DMXL1: variants seen among roughly 807,000 people sequenced by gnomAD.
DMXL1 encodes the protein Dmx like 1.
In DMXL1, 99 loss-of-function variants were observed where a neutral mutation model predicts 319.2. The ratio of observed to expected loss-of-function variants is 0.31; its 90% CI spans 0.26 to 0.37. DMXL1 has a LOEUF of 0.37. DMXL1 is among the 10% of genes least tolerant of loss of function. The pLI, the probability that DMXL1 is intolerant of heterozygous loss-of-function variation, is 1.00. For synonymous variants in DMXL1, 1,385 were observed against 1,235.2 expected (o/e 1.12, Z -2.54); for missense variants, 3,745 against 3,595.6 (o/e 1.04, Z -1.06).
chr5:119,083,766 G>A (rs1381468118), intron 1 of DMXL1, among the ~76,000 whole-genome samples: 1 of 152,098 alleles, frequency 6.6e-6, no homozygotes, highest in Non-Finnish European at 1.5e-5. Flanking sequence ...TCAAACTCCT[G>A]GCCTCAGGTG....
chr5:119,079,981 A>T lies in DMXL1; in HGVS notation c.87+8325A>T, dbSNP rs142124408. Reference sequence around the variant, plus strand: ...TGCAGCTCCTGGTGTATAGTCTGTGATGGTGAGATCCCTGTCTTTAGCTTC... The same window carrying T: ...TGCAGCTCCTGGTGTATAGTCTGTGTTGGTGAGATCCCTGTCTTTAGCTTC... On this transcript the variant is annotated intron_variant, in intron 1 of 43. Coordinates refer to ENST00000539542, the MANE Select transcript of DMXL1 (RefSeq NM_001290321.3). Among the ~76,000 whole-genome samples the T allele has an allele frequency of 7.2e-5, 11 of 152,272 alleles. No homozygotes were observed. The East Asian group carries it at 2.1e-3, about 29-fold the overall frequency.
rs144511410 is a variant in DMXL1, at chr5:119,248,973, A to G, written c.*1754A>G. 9 of 152,706 alleles carry G rather than the reference A, an allele frequency of 5.9e-5. No individual in the cohort carries two copies. The East Asian group carries it at 1.7e-3, about 29-fold the overall frequency. 9.5% of individuals were successfully genotyped at this position (152,706 alleles called of 1,614,324 possible). ...CTTTAAACACTTCCAATGAGATAAA[A>G]TATTTACTATTATGCTTATTAGAAC... On this transcript the variant is annotated 3_prime_UTR_variant, in exon 44 of 44. Transcript: ENST00000539542.
intron 28 of DMXL1, among the ~76,000 whole-genome samples, chr5:119,188,855 A>C (rs1778217627): frequency 6.6e-6 from 1 of 152,258 alleles, no homozygotes; most frequent in Non-Finnish European, 1.5e-5. Context: ...CAATAAAACC[A>C]AATTGTATTA....
chr5:119,105,198 C>A lies in DMXL1; in HGVS notation c.304C>A (p.Gln102Lys). The change falls in exon 4 of 44, where the codon CAG becomes AAG. Residue 102 changes from glutamine (Q) to lysine (K), a missense_variant. Transcript: ENST00000539542. ...KKNLELYSQW[Q>K]KSGQFFLESI... ...ATTTTAGGAATTATATAGTCAGTGG[C>A]AGAAAAGTGGCCAATTTTTTCTGGA... 6.2e-7 allele frequency: 1 copy of A among 1,612,022 alleles called. No individual in the cohort carries two copies. The highest frequency in any genetic ancestry group is 8.5e-7 in the Non-Finnish European group (1 of 1,178,386).
intron 34 of DMXL1, among the ~76,000 whole-genome samples, chr5:119,216,088 C>T (rs1258557020): frequency 3.5e-5 from 3 of 86,580 alleles, no homozygotes; most frequent in Non-Finnish European, 6.1e-5. Flanking sequence ...ACAAGAGCAT[C>T]CATCTCAAAA....
At chr5:119,099,887 G>T (rs1032369369) in intron 2 of DMXL1, among the ~76,000 whole-genome samples, 1 of 152,100 alleles carries the variant, frequency 6.6e-6, no homozygotes, top group East Asian at 1.9e-4. Context: ...TGTAGTCCTA[G>T]CTACCCGGGA....
intron 1 of DMXL1, among the ~76,000 whole-genome samples, chr5:119,089,207 A>T (rs980759127): frequency 3.8e-5 from 5 of 131,554 alleles, no homozygotes; most frequent in African/African-American, 1.4e-4. Context: ...CTCCTGGCCT[A>T]TGTGGTTTCT....
At chr5:119,091,708 C>T (rs921772290) in intron 1 of DMXL1, among the ~76,000 whole-genome samples, 6 of 152,106 alleles carry the variant, frequency 3.9e-5, no homozygotes, top group Admixed American at 6.6e-5. Context: ...AAAGGGCTGC[C>T]GTTCCTAAAG....
chr5:119,075,304 A>T (rs923225621), intron 1 of DMXL1, among the ~76,000 whole-genome samples: 1 of 137,542 alleles, frequency 7.3e-6, no homozygotes, highest in Non-Finnish European at 1.5e-5. Flanking sequence ...CAGTGGTGTG[A>T]TCTCAGCTCA....
Position 119,101,942 on chromosome 5 carries a change from C to A in DMXL1, c.221C>A (p.Ala74Glu). The change falls in exon 3 of 44, where the codon GCG becomes GAG. Residue 74 changes from alanine to glutamate, a missense_variant. Around this residue, in one of 4 missense-constraint regions of DMXL1, gnomAD observed 2,096 missense variants for 1,985.4 expected, o/e 1.06. Coordinates refer to ENST00000539542, the MANE Select transcript of DMXL1 (RefSeq NM_001290321.3). ...TTTTTTTCTTTTTAAAAGATTGCAGCGTCTTATGGAAATGTTATCTCCATT... is the reference window on the plus strand; with the variant it reads ...TTTTTTTCTTTTTAAAAGATTGCAGAGTCTTATGGAAATGTTATCTCCATT... ...DCSMQQGKIA[A>E]SYGNVISIFE... The A allele has an allele frequency of 6.3e-7, 1 of 1,594,760 alleles. No individual in the cohort carries two copies. The highest frequency in any genetic ancestry group is 8.5e-7 in the Non-Finnish European group (1 of 1,171,042).
intron 34 of DMXL1, among the ~76,000 whole-genome samples, chr5:119,212,914 C>G (rs1334007891): frequency 6.6e-6 from 1 of 152,130 alleles, no homozygotes; most frequent in Non-Finnish European, 1.5e-5. Flanking sequence ...ATCAATCAGT[C>G]ACTTGCAAAC....
At chr5:119,222,917 C>T (rs1408920798) in intron 37 of DMXL1, among the ~76,000 whole-genome samples, 1 of 152,046 alleles carries the variant, frequency 6.6e-6, no homozygotes. Context: ...CACATCTCAA[C>T]TCAAATCCCC....
chr5:119,091,827 C>T (rs558449457), intron 1 of DMXL1, among the ~76,000 whole-genome samples: 1 of 152,318 alleles, frequency 6.6e-6, no homozygotes, highest in South Asian at 2.1e-4. Flanking sequence ...TACTACTGAA[C>T]AGCCTCTCTC....
At chr5:119,083,903 C>T (rs1370730058) in intron 1 of DMXL1, among the ~76,000 whole-genome samples, 1 of 152,174 alleles carries the variant, frequency 6.6e-6, no homozygotes, top group Non-Finnish European at 1.5e-5. Context: ...TACATTCCCA[C>T]CAACACAGTA....
intron 34 of DMXL1, among the ~76,000 whole-genome samples, chr5:119,213,545 A>G (rs1783162111): frequency 6.6e-6 from 1 of 152,210 alleles, no homozygotes; most frequent in Admixed American, 6.5e-5. Context: ...CCATTTCTCT[A>G]GTCTCCTATG....
At chr5:119,085,462 G>A (rs1010717981) in intron 1 of DMXL1, among the ~76,000 whole-genome samples, 1 of 152,064 alleles carries the variant, frequency 6.6e-6, no homozygotes, top group African/African-American at 2.4e-5. Flanking sequence ...CGCCATTGGT[G>A]AGCATACAAT....
chr5:119,093,091 G>T (rs755922687), intron 1 of DMXL1, among the ~76,000 whole-genome samples: 1 of 151,692 alleles, frequency 6.6e-6, no homozygotes, highest in Non-Finnish European at 1.5e-5. Context: ...GCAACCCTTT[G>T]TTGAGCAAAT....
At chr5:119,167,926 G>A in intron 23 of DMXL1, 62 bp downstream of exon 23, 2 of 1,496,776 alleles carry the variant, frequency 1.3e-6, no homozygotes, top group African/African-American at 2.8e-5. Context: ...TACATGTGCA[G>A]ATCACTCTAT....
At chr5:119,165,543 C>A (rs555321379) in intron 21 of DMXL1, among the ~76,000 whole-genome samples, 48 of 152,274 alleles carry the variant, frequency 3.2e-4, no homozygotes, top group Non-Finnish European at 6.3e-4. Context: ...TCATTATGCT[C>A]CTATAAAACA....
Sources: gnomAD v4.1 joint callset for allele counts (sites outside exome capture counted in the v4.1 genomes callset) on GRCh38, gnomAD v4.1.1 for gene constraint, gnomAD v4.1.1 regional missense constraint, MANE v1.5 for transcripts, NCBI Gene and HGNC (gene_info 2026-07-23, HGNC 2026-07-21) for gene names.